Variants in SPECC1L observed in about 807,000 individuals in gnomAD.
SPECC1L encodes sperm antigen with calponin homology and coiled-coil domains 1 like, also known as cytospin-A.
Under a neutral mutation model 116.8 loss-of-function variants are expected in SPECC1L, and 40 were observed. That is an observed-to-expected ratio of 0.34 (90% CI 0.27 to 0.45). The LOEUF is 0.45. SPECC1L is among the 20% of genes least tolerant of loss of function. SPECC1L has a pLI of 1.00. For synonymous variants in SPECC1L, 504 were observed against 500.6 expected (o/e 1.01, Z -0.09); for missense variants, 1,110 against 1,373.6 (o/e 0.81, Z 3.03).
At chr22:24,291,622 C>G (rs2049158680) in intron 2 of SPECC1L, among the ~76,000 whole-genome samples, 1 of 151,784 alleles carries the variant, frequency 6.6e-6, no homozygotes, top group Non-Finnish European at 1.5e-5. Flanking sequence ...ATGGGGCATG[C>G]AATATATTCT....
chr22:24,369,070 A>G (rs548338394), intron 13 of SPECC1L, 148 bp from the exon 14 acceptor site: 133 of 683,834 alleles, frequency 1.9e-4, no homozygotes, highest in Non-Finnish European at 3.0e-4. Context: ...GCCATAAACT[A>G]AAAATCAAAT....
Position 24,365,600 on chromosome 22 carries a change from A to G in SPECC1L, c.2952A>G (p.Ala984=). Residue 984 remains alanine, a synonymous_variant, in exon 13 of 17, where the codon GCA becomes GCG. Transcript: ENST00000314328. ...TTTCCCTGTCCTCTTCTCCAACGGC[A>G]TCTGTGACTCCCACCACCCGAAGCC... is the stretch of plus-strand genomic sequence containing the variant. The part of the protein sequence containing the change: ...PQLSLSSSPT[A]SVTPTTRSRI... 6.2e-7 allele frequency: 1 copy of G among 1,614,138 alleles called. No individual in the cohort carries two copies. The highest frequency in any genetic ancestry group is 8.5e-7 in the Non-Finnish European group (1 of 1,180,038).
At chr22:24,284,835 G>A (rs1197142119) in intron 2 of SPECC1L, among the ~76,000 whole-genome samples, 2 of 152,176 alleles carry the variant, frequency 1.3e-5, no homozygotes, top group Admixed American at 1.3e-4. Context: ...AATACAGAAA[G>A]GATCAGAGAG....
intron 1 of SPECC1L, among the ~76,000 whole-genome samples, chr22:24,276,222 A>G (rs1471620130): frequency 6.6e-6 from 1 of 152,116 alleles, no homozygotes; most frequent in Non-Finnish European, 1.5e-5. Flanking sequence ...ACAGATAAAC[A>G]TTTTATAATT....
intron 16 of SPECC1L, among the ~76,000 whole-genome samples, chr22:24,413,246 T>A (rs1342951430): frequency 6.6e-6 from 1 of 152,166 alleles, no homozygotes; most frequent in Non-Finnish European, 1.5e-5. Flanking sequence ...ACCCGGCGTG[T>A]TCTCAGGTTC....
chr22:24,285,616 A>C (rs989881139), intron 2 of SPECC1L, among the ~76,000 whole-genome samples: 1 of 151,946 alleles, frequency 6.6e-6, no homozygotes, highest in African/African-American at 2.4e-5. Flanking sequence ...TATGATCTAA[A>C]ACAATACTGC....
intron 4 of SPECC1L, among the ~76,000 whole-genome samples, chr22:24,317,474 G>A (rs1228345885): frequency 3.9e-5 from 5 of 126,940 alleles, no homozygotes; most frequent in South Asian, 2.5e-4. Context: ...GCGGCTGGCT[G>A]GGCAGGGGGC....
chr22:24,284,133 C>T (rs529318559), intron 2 of SPECC1L, among the ~76,000 whole-genome samples: 1 of 152,096 alleles, frequency 6.6e-6, no homozygotes, highest in Admixed American at 6.5e-5. Context: ...TGTTTCATTG[C>T]TCTTCTTTTT....
At chr22:24,353,615 C>T (rs1313290546) in intron 11 of SPECC1L, among the ~76,000 whole-genome samples, 1 of 151,994 alleles carries the variant, frequency 6.6e-6, no homozygotes, top group African/African-American at 2.4e-5. Flanking sequence ...ACCATATTGG[C>T]CAGGCTGGTC....
chr22:24,397,590 C>T (rs1468189736), intron 14 of SPECC1L, among the ~76,000 whole-genome samples: 1 of 152,172 alleles, frequency 6.6e-6, no homozygotes, highest in Non-Finnish European at 1.5e-5. Flanking sequence ...TAAGGTTTCA[C>T]CATTGATGCA....
At chr22:24,335,400 C>G (rs1223711977) in intron 9 of SPECC1L, among the ~76,000 whole-genome samples, 1 of 152,218 alleles carries the variant, frequency 6.6e-6, no homozygotes, top group African/African-American at 2.4e-5. Flanking sequence ...CCCCCACTCA[C>G]TATAGTCCTA....
intron 10 of SPECC1L, among the ~76,000 whole-genome samples, chr22:24,342,918 C>T (rs1050812227): frequency 6.6e-6 from 1 of 151,550 alleles, no homozygotes; most frequent in Admixed American, 6.6e-5. Flanking sequence ...ATAGGCTGGG[C>T]GCAGTGGCTC....
rs551904956 is a variant in SPECC1L, at chr22:24,407,019, G to C, written c.3088-4569G>C. ...CTCCCAACATGATCTCTGTGGATGG[G>C]GGAGGAAGCAGAGCAGCCAGTGGGC... is the stretch of plus-strand genomic sequence containing the variant. On this transcript the variant is annotated intron_variant, in intron 14 of 16. Transcript: ENST00000314328. 1.1e-4 allele frequency among the ~76,000 whole-genome samples: 16 copies of C among 152,282 alleles called. No homozygotes were observed. The East Asian group carries it at 2.3e-3, about 22-fold the overall frequency.
intron 6 of SPECC1L, among the ~76,000 whole-genome samples, chr22:24,326,419 C>T (rs1393850588): frequency 6.6e-6 from 1 of 152,180 alleles, no homozygotes; most frequent in Non-Finnish European, 1.5e-5. Flanking sequence ...GATTCCAGAG[C>T]CATCCTTGCC....
intron 14 of SPECC1L, among the ~76,000 whole-genome samples, chr22:24,377,340 C>T (rs769997075): frequency 3.3e-5 from 5 of 152,000 alleles, no homozygotes; most frequent in Non-Finnish European, 5.9e-5. Context: ...TGAGGTCTCA[C>T]TATGTTTCCC....
At position 24,313,480 on chromosome 22, in the gene SPECC1L, T is replaced by A; in HGVS notation, c.307+14T>A. 6.2e-7 allele frequency: 1 copy of A among 1,613,608 alleles called. No homozygotes were observed. On this transcript the variant is annotated intron_variant, in intron 4 of 16. Coordinates refer to ENST00000314328, the MANE Select transcript of SPECC1L (RefSeq NM_015330.6). ...AGATTAGCACAGGTAACGGTGACATTCAGTCTGAGACTTCAACTGCTTTTT... is the reference window on the plus strand; with the variant it reads ...AGATTAGCACAGGTAACGGTGACATACAGTCTGAGACTTCAACTGCTTTTT...
chr22:24,291,210 G>A (rs1306854765), intron 2 of SPECC1L, among the ~76,000 whole-genome samples: 1 of 152,176 alleles, frequency 6.6e-6, no homozygotes, highest in Admixed American at 6.5e-5. Flanking sequence ...TAATTAATAA[G>A]CAGTTCCTCT....
At chr22:24,375,122 G>T (rs1215685180) in intron 14 of SPECC1L, among the ~76,000 whole-genome samples, 1 of 152,088 alleles carries the variant, frequency 6.6e-6, no homozygotes, top group Admixed American at 6.6e-5. Context: ...TATCAAAATG[G>T]ACTCAAGAAG....
intron 10 of SPECC1L, among the ~76,000 whole-genome samples, chr22:24,344,253 A>G (rs988011966): frequency 6.6e-6 from 1 of 152,166 alleles, no homozygotes; most frequent in African/African-American, 2.4e-5. Flanking sequence ...GCAATATATA[A>G]AAACGACAAT....
Sources: allele counts gnomAD v4.1 joint callset (sites outside exome capture counted in the v4.1 genomes callset), GRCh38; gene constraint gnomAD v4.1.1; transcripts MANE v1.5; gene names NCBI Gene and HGNC (gene_info 2026-07-23, HGNC 2026-07-21).